The following ATAD3A variants were observed in gnomAD, a reference collection of about 807,000 sequenced individuals.
The protein encoded by ATAD3A is ATPase family AAA domain-containing protein 3A.
In ATAD3A, 46 loss-of-function variants were observed where a neutral mutation model predicts 73.8. The observed-to-expected ratio is 0.62, with a 90% CI of 0.49 to 0.80. The LOEUF is 0.80. ATAD3A is among the 30% of genes least tolerant of loss of function. ATAD3A has a pLI of 0.00. For missense variants in ATAD3A, 705 were observed against 838.0 expected (o/e 0.84, Z 1.96); for synonymous variants, 319 against 350.0 (o/e 0.91, Z 0.99).
Position 1,529,780 on chromosome 1 carries a change from C to T in ATAD3A, c.1614+449C>T, listed in dbSNP as rs148679948. Among the ~76,000 whole-genome samples the T allele has an allele frequency of 1.4e-3, 206 of 152,330 alleles. 2 individuals carry two copies. Among genetic ancestry groups the T allele is most frequent in the South Asian group, 7.3e-3 (35 of 4,824 alleles). ...CTGCTTGACACATGGGTGGGAGTGG[C>T]CTCTGGTTGTCCCACAGCCAGTTGT... On this transcript the variant is annotated intron_variant, in intron 15 of 15. Transcript: ENST00000378756.
At position 1,523,008 on chromosome 1, in the gene ATAD3A, A is replaced by G; in HGVS notation, c.906+109A>G. 6.6e-7 allele frequency: 1 copy of G among 1,506,936 alleles called. No homozygotes were observed. The allele number at this position is 1,506,936 out of a possible 1,614,324, so 93.3% of individuals were successfully genotyped here. On this transcript the variant is annotated intron_variant, in intron 8 of 15. Transcript: ENST00000378756. The surrounding 1 kb of genome is among the most constrained non-coding windows in gnomAD (Gnocchi z 5.1). Reference sequence around the variant, plus strand: ...CCCGTCCCTTCCCTTTCCCCGGATAACGGGCACCCGCACACTGCTTCACGG... The same window carrying G: ...CCCGTCCCTTCCCTTTCCCCGGATAGCGGGCACCCGCACACTGCTTCACGG...
intron 15 of ATAD3A, among the ~76,000 whole-genome samples, chr1:1,529,680 G>A (rs1199242427): frequency 6.6e-6 from 1 of 152,254 alleles, no homozygotes; most frequent in Non-Finnish European, 1.5e-5. Flanking sequence ...TGGTCGTTAG[G>A]ACAGGCCCCA....
intron 7 of ATAD3A, among the ~76,000 whole-genome samples, chr1:1,521,451 G>A (rs565396626): frequency 5.1e-4 from 78 of 151,942 alleles, no homozygotes; most frequent in African/African-American, 1.7e-3. Context: ...CCCAGCCTCC[G>A]GCCTGCTGTG....
rs72634804 is a variant in ATAD3A, at chr1:1,532,541, T to C, written c.1615-1385T>C. Among the ~76,000 whole-genome samples, 113 of 152,340 alleles carry C rather than the reference T, an allele frequency of 7.4e-4. 1 individual carries two copies. The highest frequency in any genetic ancestry group is 2.4e-3 in the African/African-American group (99 of 41,588). On this transcript the variant is annotated intron_variant, in intron 15 of 15. Transcript: ENST00000378756. ...TGTCACTGTTGGACCCACCTGTGAC[T>C]GGGTTTTGCCCCAGAATCCCACCCA...
intron 11 of ATAD3A, among the ~76,000 whole-genome samples, chr1:1,524,853 G>A (rs1447771504): frequency 2.6e-5 from 4 of 151,026 alleles, no homozygotes; most frequent in South Asian, 2.1e-4. Flanking sequence ...TTGTGGCCTC[G>A]GCTGTCCTCG....
intron 11 of ATAD3A, among the ~76,000 whole-genome samples, chr1:1,524,980 G>A (rs1254309270): frequency 1.3e-5 from 2 of 152,282 alleles, no homozygotes; most frequent in South Asian, 2.1e-4. Flanking sequence ...TGGGCCGGGT[G>A]GGGGTGAAGC....
At chr1:1,530,600 C>G (rs1326877528) in intron 15 of ATAD3A, among the ~76,000 whole-genome samples, 2 of 111,642 alleles carry the variant, frequency 1.8e-5, no homozygotes, top group Non-Finnish European at 3.1e-5. Flanking sequence ...GAGGCCGAGG[C>G]GGGCGGATCA....
chr1:1,533,603 G>A lies in ATAD3A; in HGVS notation c.1615-323G>A, dbSNP rs539682875. ...CACTGCCTGGCCACGGCTGAGACTC[G>A]CAGAGGGTCTGCAGTTCCCACCTGC... is the stretch of plus-strand genomic sequence containing the variant. On this transcript the variant is annotated intron_variant, in intron 15 of 15. Transcript: ENST00000378756. Among the ~76,000 whole-genome samples the A allele has an allele frequency of 2.0e-3, 297 of 152,246 alleles. 1 individual carries two copies. Among genetic ancestry groups the A allele is most frequent in the Middle Eastern group, 0.014 (4 of 294 alleles).
intron 1 of ATAD3A, among the ~76,000 whole-genome samples, chr1:1,515,129 G>C (rs560383958): frequency 1.3e-5 from 2 of 152,284 alleles, no homozygotes; most frequent in Middle Eastern, 3.4e-3. Flanking sequence ...TCTAGCTGGA[G>C]TGCAGCGGTG....
chr1:1,526,149 C>A (rs550054345), intron 12 of ATAD3A, among the ~76,000 whole-genome samples: 1 of 151,736 alleles, frequency 6.6e-6, no homozygotes, highest in Admixed American at 6.6e-5. Context: ...CAGCCTCCCA[C>A]GTAGCTGGGA....
chr1:1,517,252 G>A (rs1275307229), intron 2 of ATAD3A, 59 bp from the exon 3 acceptor site: 16 of 1,547,130 alleles, frequency 1.0e-5, no homozygotes, highest in East Asian at 5.0e-5. Context: ...ACACAGGAGC[G>A]GCTGTCAGGC....
At chr1:1,531,137 A>G (rs1306191355) in intron 15 of ATAD3A, among the ~76,000 whole-genome samples, 5 of 151,948 alleles carry the variant, frequency 3.3e-5, no homozygotes, top group Non-Finnish European at 7.4e-5. Flanking sequence ...CAGCCTGAGC[A>G]ATAGCGTGAG....
In ATAD3A at chr1:1,520,039, C is replaced by T; in HGVS notation, c.515-102C>T. The T allele has an allele frequency of 6.7e-7, 1 of 1,498,718 alleles. No individual in the cohort carries two copies. The highest frequency in any genetic ancestry group is 1.4e-5 in the African/African-American group (1 of 72,366). The allele number at this position is 1,498,718 out of a possible 1,614,324, so 92.8% of individuals were successfully genotyped here. A position where few individuals can be genotyped will look rare whatever the true frequency, so the allele number is the denominator to read the frequency against. ...GGGCCTGTCTGTGGCGTTGGTCTGTCCGTGGCGTGGGCCGGTCCGTGGCGT... is the reference window on the plus strand; with the variant it reads ...GGGCCTGTCTGTGGCGTTGGTCTGTTCGTGGCGTGGGCCGGTCCGTGGCGT... On this transcript the variant is annotated intron_variant, in intron 5 of 15. Coordinates refer to ENST00000378756, the MANE Select transcript of ATAD3A (RefSeq NM_001170535.3). The surrounding 1 kb of genome is among the most constrained non-coding windows in gnomAD (Gnocchi z 4.0).
intron 15 of ATAD3A, among the ~76,000 whole-genome samples, chr1:1,531,244 A>G (rs898251612): frequency 4.0e-5 from 6 of 151,504 alleles, no homozygotes; most frequent in African/African-American, 1.5e-4. Flanking sequence ...CACGAGGTCA[A>G]GAGATGGAGA....
chr1:1,527,643 G>A, intron 13 of ATAD3A, 52 bp from the exon 14 acceptor site: 1 of 1,566,642 alleles, frequency 6.4e-7, no homozygotes, highest in African/African-American at 1.4e-5. Flanking sequence ...GTTCCCCTTG[G>A]TGCAGCTCGG....
Position 1,523,855 on chromosome 1 carries a change from G to T in ATAD3A, c.980G>T (p.Arg327Leu), listed in dbSNP as rs200238845. ...GVVLSPSLEARVRDIAIATRN... is the reference protein window; with the variant it reads ...GVVLSPSLEALVRDIAIATRN... ...CCCCGGCAGCCCAGCCTGGAAGCAC[G>T]GGTGCGCGACATCGCCATAGCAACA... The change falls in exon 10 of 16, where the codon CGG (arginine) becomes CTG (leucine). Residue 327 changes from arginine (R) to leucine (L), a missense_variant. This residue lies in a region of ATAD3A where 315 missense variants were observed against 334.1 expected (regional missense o/e 0.94). Coordinates refer to ENST00000378756, the MANE Select transcript of ATAD3A (RefSeq NM_001170535.3). The surrounding 1 kb of genome is among the most constrained non-coding windows in gnomAD (Gnocchi z 5.1). The T allele has an allele frequency of 1.1e-4, 178 of 1,613,852 alleles. No individual in the cohort carries two copies. Among genetic ancestry groups the T allele is most frequent in the Non-Finnish European group, 1.5e-4 (172 of 1,180,004 alleles).
At chr1:1,525,208 C>T (rs759197355) in intron 11 of ATAD3A, 32 bp from the exon 12 acceptor site, 6 of 1,613,160 alleles carry the variant, frequency 3.7e-6, no homozygotes, top group Middle Eastern at 1.8e-4. Context: ...TGGTGTCACT[C>T]TCGCCCTGCT....
chr1:1,523,375 C>A lies in ATAD3A; in HGVS notation c.907-136C>A. On this transcript the variant is annotated intron_variant, in intron 8 of 15. Coordinates refer to ENST00000378756, the MANE Select transcript of ATAD3A (RefSeq NM_001170535.3). The surrounding 1 kb of genome is among the most constrained non-coding windows in gnomAD (Gnocchi z 5.1). The stretch of plus-strand genomic sequence containing the variant: ...CCTGGTCTCCGGGCGGGGCAGGGTT[C>A]CAGCTCCGGGCCGGTCCTGGCTGTG... The A allele has an allele frequency of 7.0e-7, 1 of 1,424,854 alleles. No homozygotes were observed. The allele number at this position is 1,424,854 out of a possible 1,614,324, so 88.3% of individuals were successfully genotyped here.
At position 1,525,241 on chromosome 1, in the gene ATAD3A, C is replaced by G; in HGVS notation, c.1216C>G (p.Leu406Val). The G allele has an allele frequency of 6.2e-7, 1 of 1,613,932 alleles. No individual in the cohort carries two copies. Among genetic ancestry groups the G allele is most frequent in the Non-Finnish European group, 8.5e-7 (1 of 1,179,984 alleles). Residue 406 changes from leucine (L) to valine (V), a missense_variant and splice_region_variant, in exon 12 of 16, where the codon CTC becomes GTC. This residue lies in a region of ATAD3A where 252 missense variants were observed against 278.5 expected (regional missense o/e 0.90). Coordinates refer to ENST00000378756, the MANE Select transcript of ATAD3A (RefSeq NM_001170535.3). ...GCTTGGCCTCCCTCTCGTTCACAGC[C>G]TCCTGCTCTTTGTGGATGAAGCGGA... ...FDWANTSRRG[L>V]LLFVDEADAF...
Sources: allele counts gnomAD v4.1 joint callset (sites outside exome capture counted in the v4.1 genomes callset), GRCh38; gene constraint gnomAD v4.1.1; regional missense constraint gnomAD v4.1.1; non-coding constraint Gnocchi (gnomAD v3.1); transcripts MANE v1.5; gene names NCBI Gene and HGNC (gene_info 2026-07-23, HGNC 2026-07-21).